The following TMEM120B variants were observed in gnomAD, a reference collection of about 807,000 sequenced individuals.
The protein encoded by TMEM120B is transmembrane protein 120B.
In TMEM120B, 31 loss-of-function variants were observed where a neutral mutation model predicts 55.5. The ratio of observed to expected loss-of-function variants is 0.56; its 90% CI spans 0.42 to 0.75. The LOEUF is 0.75. TMEM120B is among the 30% of genes least tolerant of loss of function. The pLI is 0.00. For missense variants in TMEM120B, 399 were observed against 425.5 expected (o/e 0.94, Z 0.55); for synonymous variants, 203 against 176.3 (o/e 1.15, Z -1.20).
chr12:121,775,142 G>A lies in TMEM120B; in HGVS notation c.906+12G>A, dbSNP rs928730614. ...GCAGAGAATGGCAGGTATGGGGGGT[G>A]GGGGCATGCTCGGGGGAGGTTCCCG... is the stretch of plus-strand genomic sequence containing the variant. On this transcript the variant is annotated intron_variant, in intron 11 of 11. Coordinates refer to ENST00000449592, the MANE Select transcript of TMEM120B (RefSeq NM_001080825.2). This position sits in a 1 kb window ranked among gnomAD's most constrained non-coding sequence, Gnocchi z 4.3. 8 of 1,603,404 alleles carry A rather than the reference G, an allele frequency of 5.0e-6. No individual in the cohort carries two copies. Among genetic ancestry groups the A allele is most frequent in the Non-Finnish European group, 6.8e-6 (8 of 1,173,510 alleles).
At chr12:121,724,333 C>T (rs921203353) in intron 1 of TMEM120B, among the ~76,000 whole-genome samples, 1 of 151,924 alleles carries the variant, frequency 6.6e-6, no homozygotes, top group Non-Finnish European at 1.5e-5. Flanking sequence ...CTGTGCCCAG[C>T]CAGATAATTT....
intron 1 of TMEM120B, among the ~76,000 whole-genome samples, chr12:121,741,114 T>G (rs1872921783): frequency 6.6e-6 from 1 of 152,112 alleles, no homozygotes. Context: ...CCCATTTCTG[T>G]CTTACTGAGC....
At chr12:121,727,584 G>A (rs1047050586) in intron 1 of TMEM120B, among the ~76,000 whole-genome samples, 4 of 149,428 alleles carry the variant, frequency 2.7e-5, no homozygotes, top group Non-Finnish European at 5.9e-5. Context: ...TAAGAGATTC[G>A]TAACATTGGC....
In TMEM120B at chr12:121,779,885, C is replaced by T; in HGVS notation, c.*4163C>T. The T allele has an allele frequency of 1.8e-6, 1 of 546,430 alleles. No homozygotes were observed. Among genetic ancestry groups the T allele is most frequent in the East Asian group, 3.0e-5 (1 of 33,498 alleles). The allele number at this position is 546,430 out of a possible 1,614,324, so 33.8% of individuals were successfully genotyped here. A position where few individuals can be genotyped will look rare whatever the true frequency, so the allele number is the denominator to read the frequency against. On this transcript the variant is annotated 3_prime_UTR_variant, in exon 12 of 12. Transcript: ENST00000449592. ...GAAGAAGCCCTGTCCAGGCCCCCAC[C>T]CTGGCCTCTCTCCAGCTCCGGGCAG...
At chr12:121,750,505 C>G in intron 4 of TMEM120B, 66 bp downstream of exon 4, 1 of 1,306,896 alleles carries the variant, frequency 7.7e-7, no homozygotes, top group Non-Finnish European at 1.1e-6. Flanking sequence ...CACCCACACC[C>G]CAAACCCCAC....
chr12:121,758,715 G>C, intron 5 of TMEM120B: 3 of 976,356 alleles, frequency 3.1e-6, no homozygotes, highest in Non-Finnish European at 3.6e-6. Flanking sequence ...GGAGGAGGAC[G>C]GCCCAGCTCC....
chr12:121,776,030 C>T lies in TMEM120B; in HGVS notation c.*308C>T. On this transcript the variant is annotated 3_prime_UTR_variant, in exon 12 of 12. Coordinates refer to ENST00000449592, the MANE Select transcript of TMEM120B (RefSeq NM_001080825.2). ...TGGGGCCTGAAGCCTCAGGGAGCCC[C>T]TCTGTTCCCACTCCTGTCATTTGAA... 1.7e-6 allele frequency: 1 copy of T among 585,976 alleles called. No homozygotes were observed. Among genetic ancestry groups the T allele is most frequent in the Non-Finnish European group, 3.0e-6 (1 of 329,382 alleles). The allele number at this position is 585,976 out of a possible 1,614,324, so 36.3% of individuals were successfully genotyped here. A position where few individuals can be genotyped will look rare whatever the true frequency, so the allele number is the denominator to read the frequency against.
At chr12:121,766,540 C>G (rs984263966) in intron 6 of TMEM120B, among the ~76,000 whole-genome samples, 4 of 152,216 alleles carry the variant, frequency 2.6e-5, no homozygotes, top group African/African-American at 9.7e-5. Context: ...CCCTCCACCC[C>G]AGTTGGAATC....
chr12:121,760,465 T>A (rs535953546), intron 5 of TMEM120B, among the ~76,000 whole-genome samples: 1 of 152,296 alleles, frequency 6.6e-6, no homozygotes, highest in Admixed American at 6.5e-5. Context: ...GCATGCGCAG[T>A]GGCCTGCGAG....
chr12:121,726,962 C>T (rs1894907789), intron 1 of TMEM120B, among the ~76,000 whole-genome samples: 1 of 147,766 alleles, frequency 6.8e-6, no homozygotes, highest in Non-Finnish European at 1.5e-5. Flanking sequence ...CGGTGGCTCA[C>T]GCCTGTAATC....
chr12:121,774,514 G>C, intron 9 of TMEM120B, 144 bp from the exon 10 acceptor site: 4 of 698,648 alleles, frequency 5.7e-6, no homozygotes, highest in Non-Finnish European at 7.2e-6. Context: ...ACCCAGCTAT[G>C]ACAGGTGAGG....
intron 1 of TMEM120B, among the ~76,000 whole-genome samples, chr12:121,743,196 T>A (rs568598703): frequency 5.4e-4 from 82 of 152,164 alleles, no homozygotes; most frequent in African/African-American, 1.9e-3. Flanking sequence ...TTAGTTGACC[T>A]AACAGGAACT....
chr12:121,715,554 A>G (rs960783019), intron 1 of TMEM120B, among the ~76,000 whole-genome samples: 1 of 152,090 alleles, frequency 6.6e-6, no homozygotes, highest in Non-Finnish European at 1.5e-5. Context: ...GTTGTAGAAG[A>G]AGGTCTGAGT....
intron 1 of TMEM120B, among the ~76,000 whole-genome samples, chr12:121,730,767 G>A (rs771869842): frequency 4.6e-5 from 7 of 151,506 alleles, no homozygotes; most frequent in Non-Finnish European, 1.0e-4. Flanking sequence ...AGACCAGCCT[G>A]ACCAACATGG....
rs1035853080 is a variant in TMEM120B, at chr12:121,770,967, G to A, written c.612G>A (p.Leu204=). 1 of 1,613,968 alleles carries A rather than the reference G, an allele frequency of 6.2e-7. No individual in the cohort carries two copies. Among genetic ancestry groups the A allele is most frequent in the Non-Finnish European group, 8.5e-7 (1 of 1,179,944 alleles). ...CCACATTCCTGTCCGGAGTGATGCT[G>A]ACCTGGTGAGTAGCCCCTCGCTGGG... ...YVSTFLSGVM[L]TWPNGPIYQK... is the part of the protein sequence containing the mutation. Residue 204 remains leucine, a synonymous_variant, in exon 7 of 12, where the codon CTG becomes CTA. Transcript: ENST00000449592.
In TMEM120B at chr12:121,743,508, A is replaced by AG. The variant is rs972795626; in HGVS notation, c.70-120dup. ...AGGAGGCGGAGGTTGCAGTGAGCCA[A>AG]GATCATGCCACTGCACTCCAGCCTG... On this transcript the variant is annotated intron_variant, in intron 1 of 11. Coordinates refer to ENST00000449592, the MANE Select transcript of TMEM120B (RefSeq NM_001080825.2). 23 of 687,612 alleles carry AG rather than the reference A, an allele frequency of 3.3e-5. No individual in the cohort carries two copies. The Middle Eastern group carries it at 1.4e-3, about 41-fold the overall frequency. 42.6% of individuals were successfully genotyped at this position (687,612 alleles called of 1,614,324 possible).
At chr12:121,751,234 C>T (rs1873312106) in intron 4 of TMEM120B, among the ~76,000 whole-genome samples, 1 of 133,750 alleles carries the variant, frequency 7.5e-6, no homozygotes, top group Non-Finnish European at 1.6e-5. Flanking sequence ...ACCCCACACC[C>T]CCATTCACAC....
chr12:121,744,052 CTTTTTT>C (rs535863726), intron 2 of TMEM120B, among the ~76,000 whole-genome samples: 1 of 138,038 alleles, frequency 7.2e-6, no homozygotes, highest in Non-Finnish European at 1.6e-5. Context: ...GAGTGTCTCT[CTTTTTT>C]TTTTTTTTTT....
intron 6 of TMEM120B, among the ~76,000 whole-genome samples, chr12:121,767,635 C>T (rs1214379834): frequency 2.0e-5 from 3 of 152,184 alleles, no homozygotes; most frequent in South Asian, 2.1e-4. Context: ...GTGAATTGTA[C>T]GGTATCTGAA....
Sources: gnomAD v4.1 joint callset for allele counts (sites outside exome capture counted in the v4.1 genomes callset) on GRCh38, gnomAD v4.1.1 for gene constraint, Gnocchi (gnomAD v3.1) non-coding constraint, MANE v1.5 for transcripts, NCBI Gene and HGNC (gene_info 2026-07-23, HGNC 2026-07-21) for gene names.